Variants in MACF1 observed in about 807,000 individuals in gnomAD.
MACF1 encodes the protein microtubule actin crosslinking factor 1, also known as microtubule-actin cross-linking factor 1.
Under a neutral mutation model 854.8 loss-of-function variants are expected in MACF1, and 193 were observed. The ratio of observed to expected loss-of-function variants is 0.23; its 90% confidence interval spans 0.20 to 0.25. The LOEUF is 0.25. MACF1 is among the 10% of genes least tolerant of loss of function. The probability of loss-of-function intolerance (pLI) is 1.00; values close to 1 mark genes in which losing one functional copy is unlikely to be tolerated. For missense variants in MACF1, 7,722 were observed against 8,929.1 expected, an observed-to-expected ratio of 0.86 and a Z score of 5.45; for synonymous variants, 3,185 against 3,226.7, an observed-to-expected ratio of 0.99 and a Z score of 0.44.
At chr1:39,453,141 C>G (rs146251669) in intron 87 of MACF1, among the ~76,000 whole-genome samples, 1 of 152,270 alleles carries the variant, frequency 6.6e-6, no homozygotes, top group African/African-American at 2.4e-5. Context: ...ATGTTACCAG[C>G]TTTAGGCCCT....
chr1:39,297,262 C>A (rs1386792026), intron 20 of MACF1, among the ~76,000 whole-genome samples: 1 of 152,120 alleles, frequency 6.6e-6, no homozygotes, highest in East Asian at 1.9e-4. Context: ...GTGATTATTT[C>A]ATAGTATGAA....
chr1:39,425,533 C>G (rs1191258738), intron 61 of MACF1, among the ~76,000 whole-genome samples: 1 of 152,190 alleles, frequency 6.6e-6, no homozygotes, highest in Non-Finnish European at 1.5e-5. Flanking sequence ...ACACACCATT[C>G]AAAGCCCTCT....
chr1:39,176,039 G>A (rs1270308308), intron 2 of MACF1, among the ~76,000 whole-genome samples: 14 of 147,032 alleles, frequency 9.5e-5, no homozygotes. Context: ...GAACCCGGGA[G>A]GCGGAGCTTG....
In MACF1 at chr1:39,292,481, T is replaced by C. The variant is rs545760816; in HGVS notation, c.1915-285T>C. 5.3e-5 allele frequency among the ~76,000 whole-genome samples: 8 copies of C among 152,308 alleles called. No individual in the cohort carries two copies. In the South Asian group the frequency reaches 1.7e-3, roughly 32 times the overall value. ...TCAACTCTTCCCTTCAAAAAAGCAGTTGAGTGGGAATCAGGCATTGGTTTT... is the reference window on the plus strand; with the variant it reads ...TCAACTCTTCCCTTCAAAAAAGCAGCTGAGTGGGAATCAGGCATTGGTTTT... On this transcript the variant is annotated intron_variant, in intron 16 of 100. Transcript: ENST00000564288.
chr1:39,303,799 G>A (rs904752235), intron 23 of MACF1, among the ~76,000 whole-genome samples: 2 of 151,618 alleles, frequency 1.3e-5, no homozygotes, highest in South Asian at 4.2e-4. Flanking sequence ...TTGAACCTGG[G>A]AGGTCGAGTT....
At chr1:39,336,686 A>G in intron 37 of MACF1, 33 bp downstream of exon 37, 1 of 1,536,278 alleles carries the variant, frequency 6.5e-7, no homozygotes, top group Non-Finnish European at 8.7e-7. Flanking sequence ...TTTCTTCCTA[A>G]AGATACAATT....
At chr1:39,117,264 A>G (rs891619034) in intron 2 of MACF1, among the ~76,000 whole-genome samples, 2 of 151,746 alleles carry the variant, frequency 1.3e-5, no homozygotes, top group Non-Finnish European at 2.9e-5. Flanking sequence ...AGTGTAGAGG[A>G]TATTTCCTAA....
At chr1:39,394,120 T>G (rs898625494) in intron 58 of MACF1, among the ~76,000 whole-genome samples, 2 of 152,194 alleles carry the variant, frequency 1.3e-5, no homozygotes, top group African/African-American at 4.8e-5. Flanking sequence ...ATTATTTTCA[T>G]TCCTAATTCA....
At chr1:39,121,845 C>T (rs1015703327) in intron 2 of MACF1, among the ~76,000 whole-genome samples, 1 of 152,204 alleles carries the variant, frequency 6.6e-6, no homozygotes, top group African/African-American at 2.4e-5. Context: ...ACCTAAATCA[C>T]TTCCCAGAGG....
chr1:39,259,605 C>CT (rs1196583837), intron 6 of MACF1, among the ~76,000 whole-genome samples: 8 of 151,396 alleles, frequency 5.3e-5, no homozygotes, highest in Non-Finnish European at 7.4e-5. Context: ...TTTCTTTTTT[C>CT]TTTTTCTTTT....
chr1:39,251,856 G>A lies in MACF1; in HGVS notation c.272G>A (p.Gly91Glu), dbSNP rs1409972451. 6.8e-7 allele frequency: 1 copy of A among 1,466,876 alleles called. No homozygotes were observed. Among genetic ancestry groups the A allele is most frequent in the Non-Finnish European group, 9.0e-7 (1 of 1,110,456 alleles). The allele number at this position is 1,466,876 out of a possible 1,614,324, so 90.9% of individuals were successfully genotyped here. ...GGTTGGTGGCCAAAGGAGCCAGCAG[G>A]GCTGAAGACCCTCCGTCTGGTGAGC... ...VLSGIKLEPA[G>E]LKTLRLVSMP... Residue 91 changes from glycine (G) to glutamate (E), a missense_variant, in exon 4 of 101, where the codon GGG (glycine) becomes GAG (glutamate). Coordinates refer to ENST00000564288, the MANE Select transcript of MACF1 (RefSeq NM_001394062.1).
intron 41 of MACF1, 143 bp downstream of exon 41, chr1:39,347,353 G>A (rs894023300): frequency 2.9e-6 from 2 of 683,918 alleles, no homozygotes; most frequent in East Asian, 2.7e-5. Flanking sequence ...GGCCAGTATG[G>A]TTCTAGTCCA....
intron 55 of MACF1, among the ~76,000 whole-genome samples, chr1:39,381,386 G>C (rs1480070980): frequency 2.1e-5 from 3 of 145,576 alleles, no homozygotes; most frequent in Non-Finnish European, 4.5e-5. Context: ...TTTGGGGGGG[G>C]GGACAGGGTC....
At chr1:39,353,792 TCTCA>T (rs543694800) in intron 44 of MACF1, among the ~76,000 whole-genome samples, 55 of 152,172 alleles carry the variant, frequency 3.6e-4, no homozygotes, top group Non-Finnish European at 7.2e-4. Flanking sequence ...CCATTCTCTC[TCTCA>T]CTCTCCTATG....
Position 39,251,831 on chromosome 1 carries a change from G to T in MACF1, c.262-15G>T. The T allele has an allele frequency of 1.5e-6, 2 of 1,362,632 alleles. No homozygotes were observed. Among genetic ancestry groups the T allele is most frequent in the African/African-American group, 1.5e-5 (1 of 67,460 alleles). The allele number at this position is 1,362,632 out of a possible 1,614,324, so 84.4% of individuals were successfully genotyped here. A position where few individuals can be genotyped will look rare whatever the true frequency, so the allele number is the denominator to read the frequency against. ...TGTTCCTCTATTGTGTCTTTGCCTT[G>T]GTTGGTGGCCAAAGGAGCCAGCAGG... On this transcript the variant is annotated splice_polypyrimidine_tract_variant and intron_variant, in intron 3 of 100. Transcript: ENST00000564288.
intron 93 of MACF1, among the ~76,000 whole-genome samples, chr1:39,462,383 G>A (rs1288213341): frequency 1.3e-5 from 2 of 152,102 alleles, no homozygotes; most frequent in Non-Finnish European, 2.9e-5. Flanking sequence ...CTGGAATCTA[G>A]GGAAATGGTC....
intron 2 of MACF1, among the ~76,000 whole-genome samples, chr1:39,118,788 A>G (rs920305553): frequency 6.6e-6 from 1 of 152,186 alleles, no homozygotes; most frequent in Non-Finnish European, 1.5e-5. Flanking sequence ...AGCGCAGAAA[A>G]TAGTATTTGT....
intron 56 of MACF1, among the ~76,000 whole-genome samples, chr1:39,382,780 G>T (rs1283897013): frequency 6.6e-6 from 1 of 151,890 alleles, no homozygotes; most frequent in Non-Finnish European, 1.5e-5. Flanking sequence ...GATTTTCTGT[G>T]ATCAAACCTC....
At chr1:39,129,610 T>C (rs1482491664) in intron 2 of MACF1, among the ~76,000 whole-genome samples, 1 of 152,202 alleles carries the variant, frequency 6.6e-6, no homozygotes, top group East Asian at 1.9e-4. Flanking sequence ...GGCATAATCC[T>C]TTCTCTCACT....
Sources: allele counts gnomAD v4.1 joint callset (sites outside exome capture counted in the v4.1 genomes callset), GRCh38; gene constraint gnomAD v4.1.1; transcripts MANE v1.5; gene names NCBI Gene and HGNC (gene_info 2026-07-23, HGNC 2026-07-21).